SMIM35: variants seen among roughly 807,000 people sequenced by gnomAD.
The protein encoded by SMIM35 is small integral membrane protein 35, also known as TMPRSS4 antisense RNA 1 (non-protein coding).
intron 1 of SMIM35, among the ~76,000 whole-genome samples, chr11:118,083,853 G>C (rs955431097): frequency 2.6e-5 from 4 of 152,090 alleles, no homozygotes; most frequent in African/African-American, 9.7e-5. Flanking sequence ...AGGAGTTCAA[G>C]ACCAGCCTGG....
At chr11:118,019,712 C>T (rs1307351526) in intron 1 of SMIM35, among the ~76,000 whole-genome samples, 5 of 151,352 alleles carry the variant, frequency 3.3e-5, no homozygotes, top group East Asian at 1.9e-4. Flanking sequence ...GAAGTTTTAA[C>T]GTTTTGTTTT....
intron 1 of SMIM35, among the ~76,000 whole-genome samples, chr11:118,062,284 T>C (rs1944404516): frequency 6.6e-6 from 1 of 152,210 alleles, no homozygotes; most frequent in African/African-American, 2.4e-5. Context: ...GAGCCAAGAC[T>C]GTGCCATTGC....
At chr11:118,054,789 G>A (rs1474715839) in intron 1 of SMIM35, among the ~76,000 whole-genome samples, 1 of 148,182 alleles carries the variant, frequency 6.7e-6, no homozygotes, top group African/African-American at 2.5e-5. Context: ...ATTTTTTCCA[G>A]AATTATATTT....
chr11:118,007,485 T>A (rs112864709), intron 4 of SMIM35, among the ~76,000 whole-genome samples: 4,653 of 152,154 alleles, frequency 0.031, 227 homozygotes, highest in African/African-American at 0.1. Context: ...AACCTCTGCC[T>A]CCTGGGTTCA....
At chr11:118,065,696 C>T (rs1266871634) in intron 1 of SMIM35, among the ~76,000 whole-genome samples, 1 of 152,126 alleles carries the variant, frequency 6.6e-6, no homozygotes, top group Non-Finnish European at 1.5e-5. Flanking sequence ...CAATGGGAAA[C>T]CTCTAGAGGG....
At chr11:118,074,087 T>C (rs2135146774) in intron 1 of SMIM35, among the ~76,000 whole-genome samples, 1 of 152,260 alleles carries the variant, frequency 6.6e-6, no homozygotes, top group East Asian at 1.9e-4. Flanking sequence ...AGGGGCTTTC[T>C]TGAAGAAAAA....
chr11:118,008,879 G>T (rs542982352), intron 4 of SMIM35, among the ~76,000 whole-genome samples: 9 of 152,326 alleles, frequency 5.9e-5, no homozygotes, highest in African/African-American at 1.9e-4. Flanking sequence ...AGGGAGACTG[G>T]ATGCCCCCAT....
chr11:118,077,431 C>A (rs1385291148), intron 1 of SMIM35: 46 of 1,193,916 alleles, frequency 3.9e-5, no homozygotes, highest in Non-Finnish European at 5.0e-5. Flanking sequence ...AAAAAAGAGG[C>A]CACACCCAAA....
chr11:118,013,694 A>G (rs1591274090), intron 4 of SMIM35, 54 bp downstream of exon 4: 1 of 397,812 alleles, frequency 2.5e-6, no homozygotes. Flanking sequence ...GGACCCTCTT[A>G]GGACCTTACT....
At chr11:118,021,115 A>C (rs2058227372) in intron 1 of SMIM35, among the ~76,000 whole-genome samples, 1 of 151,222 alleles carries the variant, frequency 6.6e-6, no homozygotes, top group Non-Finnish European at 1.5e-5. Flanking sequence ...AGAAAAGAGT[A>C]ACAGTTAATT....
chr11:118,020,028 C>T lies in SMIM35; in HGVS notation c.8-4219G>A, dbSNP rs74750980. On this transcript the variant is annotated intron_variant, in intron 1 of 4. Transcript: ENST00000689828. The stretch of plus-strand genomic sequence containing the variant: ...CCTGTAATCCCAGCATTTGGGAGGC[C>T]AAGGTTGTCGGATCAACTGAGGTCA... 5.2e-3 allele frequency among the ~76,000 whole-genome samples: 798 copies of T among 152,250 alleles called. 5 individuals are homozygous for T. The highest frequency in any genetic ancestry group is 0.019 in the African/African-American group (771 of 41,526).
At chr11:118,068,860 G>A (rs1419939501) in intron 1 of SMIM35, among the ~76,000 whole-genome samples, 3 of 152,232 alleles carry the variant, frequency 2.0e-5, no homozygotes, top group Middle Eastern at 3.4e-3. Flanking sequence ...CTCTCCCCAC[G>A]CATCACTCCG....
chr11:118,010,619 G>T (rs2058144935), intron 4 of SMIM35, among the ~76,000 whole-genome samples: 1 of 152,196 alleles, frequency 6.6e-6, no homozygotes, highest in African/African-American at 2.4e-5. Flanking sequence ...CAAAATGGTT[G>T]GTGTCAAGTC....
At chr11:118,067,040 C>A (rs1944485293) in intron 1 of SMIM35, among the ~76,000 whole-genome samples, 1 of 152,032 alleles carries the variant, frequency 6.6e-6, no homozygotes, top group African/African-American at 2.4e-5. Context: ...TTCCTAAATA[C>A]CTTGTCCATT....
At chr11:118,073,698 C>T (rs1264572313) in intron 1 of SMIM35, among the ~76,000 whole-genome samples, 2 of 152,212 alleles carry the variant, frequency 1.3e-5, no homozygotes, top group African/African-American at 2.4e-5. Flanking sequence ...CCTGGGGTGA[C>T]CGCCTCTGTG....
intron 1 of SMIM35, among the ~76,000 whole-genome samples, chr11:118,043,252 C>T (rs920726743): frequency 6.7e-6 from 1 of 150,204 alleles, no homozygotes; most frequent in African/African-American, 2.5e-5. Context: ...AATCCTCCTC[C>T]TTGAAGTCTG....
intron 1 of SMIM35, among the ~76,000 whole-genome samples, chr11:118,061,970 G>T (rs1299108515): frequency 6.6e-6 from 1 of 152,132 alleles, no homozygotes; most frequent in Non-Finnish European, 1.5e-5. Flanking sequence ...TTACAACTCA[G>T]TCTCCCCTTG....
intron 1 of SMIM35, among the ~76,000 whole-genome samples, chr11:118,033,995 C>T (rs12223224): frequency 0.04 from 6,046 of 152,256 alleles, 202 homozygotes; most frequent in East Asian, 0.19. Flanking sequence ...AGGCCAGGCG[C>T]AGTGTCTCAC....
rs942327839 is a variant in SMIM35 at position 118,079,774 on chromosome 11, C to T, written c.7+6977G>A. On this transcript the variant is annotated intron_variant, in intron 1 of 4. Transcript: ENST00000689828. The stretch of plus-strand genomic sequence containing the variant: ...CAGAAACGTGGCAGTCAGGAGCCAG[C>T]CTGCGGGCAGCGGGGTGCTGGGAGC... Among the ~76,000 whole-genome samples, 10 of 152,300 alleles carry T rather than the reference C, an allele frequency of 6.6e-5. No homozygotes were observed. The East Asian group carries it at 9.6e-4, about 15-fold the overall frequency.
Sources: gnomAD v4.1 joint callset for allele counts (sites outside exome capture counted in the v4.1 genomes callset) on GRCh38, gnomAD v4.1.1 for gene constraint, MANE v1.5 for transcripts, NCBI Gene and HGNC (gene_info 2026-07-23, HGNC 2026-07-21) for gene names.